Variants in SHTN1 observed in about 807,000 individuals in gnomAD.
SHTN1 encodes the protein shootin-1.
In SHTN1, 42 loss-of-function variants were observed where a neutral mutation model predicts 83.1. The observed-to-expected ratio is 0.51, with a 90% CI of 0.39 to 0.65. The LOEUF is 0.65. SHTN1 is among the 30% of genes least tolerant of loss of function. The probability of loss-of-function intolerance (pLI) is 0.00; values close to 1 mark genes in which losing one functional copy is unlikely to be tolerated. For missense variants in SHTN1, 622 were observed against 737.8 expected, an observed-to-expected ratio of 0.84 and a Z score of 1.82; for synonymous variants, 224 against 247.7, an observed-to-expected ratio of 0.90 and a Z score of 0.90.
intron 2 of SHTN1, among the ~76,000 whole-genome samples, chr10:117,011,545 A>G (rs10787736): frequency 0.98 from 149,524 of 152,298 alleles, 73,451 homozygotes; most frequent in Middle Eastern, 1. Flanking sequence ...AATGCTTCTA[A>G]AACAAATACT....
upstream of SHTN1, chr10:117,005,485 C>T: frequency 9.8e-7 from 1 of 1,022,662 alleles, no homozygotes; most frequent in African/African-American, 1.7e-5. Flanking sequence ...CAGAGAAAAC[C>T]GGCTGTGGGT....
chr10:117,030,653 G>C (rs1314159830), intron 2 of SHTN1, among the ~76,000 whole-genome samples: 1 of 151,970 alleles, frequency 6.6e-6, no homozygotes, highest in Non-Finnish European at 1.5e-5. Context: ...ATTTAACAAA[G>C]TGATTGTAAT....
chr10:116,962,287 G>A (rs1850212096), intron 3 of SHTN1, among the ~76,000 whole-genome samples: 1 of 151,856 alleles, frequency 6.6e-6, no homozygotes, highest in Non-Finnish European at 1.5e-5. Flanking sequence ...CAATATAATT[G>A]CCTTTTATAT....
intron 1 of SHTN1, among the ~76,000 whole-genome samples, chr10:117,063,902 T>G (rs886458566): frequency 6.6e-6 from 1 of 152,162 alleles, no homozygotes; most frequent in Non-Finnish European, 1.5e-5. Context: ...TTTTAACTTT[T>G]TTTCTAAACA....
intron 1 of SHTN1, among the ~76,000 whole-genome samples, chr10:117,062,788 G>A (rs1227540699): frequency 1.3e-5 from 2 of 152,146 alleles, no homozygotes; most frequent in African/African-American, 2.4e-5. Context: ...TAAGAATGGT[G>A]TACTGAGCCA....
chr10:117,007,622 G>A (rs1852042862), upstream of SHTN1, among the ~76,000 whole-genome samples: 1 of 147,272 alleles, frequency 6.8e-6, no homozygotes, highest in South Asian at 2.2e-4. Flanking sequence ...GACATGGTAT[G>A]AATTATTAGG....
At chr10:116,928,016 T>C in intron 10 of SHTN1, 125 bp from the exon 11 acceptor site, 2 of 1,073,672 alleles carry the variant, frequency 1.9e-6, no homozygotes, top group Non-Finnish European at 2.7e-6. Flanking sequence ...AAATTAGAAA[T>C]TTCAATATGA....
intron 11 of SHTN1, among the ~76,000 whole-genome samples, chr10:116,924,818 C>A (rs539951173): frequency 7.3e-6 from 1 of 137,462 alleles, no homozygotes; most frequent in Non-Finnish European, 1.5e-5. Flanking sequence ...AGTGCAGTGG[C>A]GCAATCTTGG....
chr10:117,013,930 AT>A lies in SHTN1; in HGVS notation c.-123+34514del, dbSNP rs564395757. Among the ~76,000 whole-genome samples the A allele has an allele frequency of 9.6e-3, 1,453 of 151,646 alleles. 18 individuals carry two copies. Among genetic ancestry groups the A allele is most frequent in the African/African-American group, 0.026 (1,080 of 41,104 alleles). ...CAAATATGTGTGTGTGTATATATATATTTTTTTTCCATAAAATGGAATATAT... is the reference window on the plus strand; with the variant it reads ...CAAATATGTGTGTGTGTATATATATATTTTTTTCCATAAAATGGAATATAT... On this transcript the variant is annotated intron_variant, in intron 2 of 17. Transcript: ENST00000392901.
intron 1 of SHTN1, among the ~76,000 whole-genome samples, chr10:117,109,553 CTTTTTTTTTTT>C (rs374713015): frequency 7.0e-5 from 3 of 42,954 alleles, no homozygotes; most frequent in African/African-American, 2.2e-4. Context: ...ACATATATTA[CTTTTTTTTTTT>C]TTTTTTTTTT....
chr10:116,974,121 G>A (rs1344314755), intron 2 of SHTN1: 2 of 1,073,212 alleles, frequency 1.9e-6, no homozygotes, highest in East Asian at 6.5e-5. Context: ...AGTGGTAGCT[G>A]CCCTCAAAGC....
intron 12 of SHTN1, among the ~76,000 whole-genome samples, chr10:116,916,383 T>C (rs985077741): frequency 3.9e-5 from 6 of 152,192 alleles, no homozygotes; most frequent in African/African-American, 1.4e-4. Flanking sequence ...ATCTAGCTCA[T>C]TGCAGCCAAC....
chr10:116,939,597 G>T (rs562727345), intron 9 of SHTN1, among the ~76,000 whole-genome samples: 6 of 152,152 alleles, frequency 3.9e-5, no homozygotes, highest in Non-Finnish European at 8.8e-5. Flanking sequence ...GGAGCTGTTC[G>T]TATTCGGCCA....
At chr10:117,003,915 A>G (rs566376965) in intron 1 of SHTN1, among the ~76,000 whole-genome samples, 7 of 150,440 alleles carry the variant, frequency 4.7e-5, no homozygotes, top group African/African-American at 1.7e-4. Flanking sequence ...TTTTTTGGAG[A>G]TGGAGTTTCG....
chr10:116,925,328 T>C (rs1392910849), intron 11 of SHTN1, among the ~76,000 whole-genome samples: 1 of 152,214 alleles, frequency 6.6e-6, no homozygotes, highest in Non-Finnish European at 1.5e-5. Context: ...GAATTCCTCC[T>C]GCCTGACTGC....
chr10:117,016,608 T>TGCTG (rs1382537653), intron 2 of SHTN1, among the ~76,000 whole-genome samples: 5 of 152,204 alleles, frequency 3.3e-5, no homozygotes, highest in African/African-American at 7.2e-5. Context: ...GGTTTTACTA[T>TGCTG]GCTGGCCAGC....
intron 1 of SHTN1, among the ~76,000 whole-genome samples, chr10:117,099,009 T>TATACACACACAC (rs1554939110): frequency 1.4e-5 from 2 of 141,030 alleles, no homozygotes; most frequent in African/African-American, 5.2e-5. Flanking sequence ...GTGGTATGTA[T>TATACACACACAC]ACACACACAC....
At chr10:117,014,038 A>G (rs1185681897) in intron 2 of SHTN1, among the ~76,000 whole-genome samples, 4 of 152,220 alleles carry the variant, frequency 2.6e-5, no homozygotes, top group Non-Finnish European at 5.9e-5. Flanking sequence ...TTAATAATCC[A>G]GACCCAGAAG....
chr10:116,995,054 C>T (rs905491628), intron 1 of SHTN1, among the ~76,000 whole-genome samples: 2 of 152,106 alleles, frequency 1.3e-5, no homozygotes, highest in African/African-American at 4.8e-5. Context: ...TTATATCTCA[C>T]AAACAACCAA....
Sources: allele counts gnomAD v4.1 joint callset (sites outside exome capture counted in the v4.1 genomes callset), GRCh38; gene constraint gnomAD v4.1.1; transcripts MANE v1.5; gene names NCBI Gene and HGNC (gene_info 2026-07-23, HGNC 2026-07-21).